USP32: variants seen among roughly 807,000 people sequenced by gnomAD.
USP32 encodes the protein ubiquitin carboxyl-terminal hydrolase 32.
USP32 carries 59 observed loss-of-function variants against 204.8 expected under a neutral mutation model. That is an observed-to-expected ratio of 0.29 (90% CI 0.23 to 0.36). The LOEUF is 0.36. Ranked by LOEUF, USP32 falls within the 10% of genes least tolerant of loss-of-function variation. USP32 has a pLI of 1.00. For missense variants in USP32, 1,160 were observed against 1,946.4 expected (o/e 0.60, Z 7.60); for synonymous variants, 517 against 678.4 (o/e 0.76, Z 3.70).
At chr17:60,408,480 C>T (rs745403152) in intron 1 of USP32, among the ~76,000 whole-genome samples, 5 of 151,886 alleles carry the variant, frequency 3.3e-5, no homozygotes, top group East Asian at 3.9e-4. Context: ...CGGGTTCAAT[C>T]GATTTTCCTG....
intron 1 of USP32, among the ~76,000 whole-genome samples, chr17:60,420,621 C>A (rs2090104040): frequency 6.6e-6 from 1 of 152,184 alleles, no homozygotes; most frequent in Non-Finnish European, 1.5e-5. Context: ...GAGCCGAGAT[C>A]ACGCCATTGC....
chr17:60,401,204 C>T (rs1323349244), intron 1 of USP32, among the ~76,000 whole-genome samples: 1 of 151,070 alleles, frequency 6.6e-6, no homozygotes, highest in Non-Finnish European at 1.5e-5. Context: ...ACCTGTAATC[C>T]CAGCACTTTG....
At position 60,179,024 on chromosome 17, in the gene USP32, G is replaced by T; in HGVS notation, c.*231C>A. ...CCAAACCTTTTGTTTACAGGCTAAT[G>T]GTGGGATCTGCCTGAAAGTTCTCTA... On this transcript the variant is annotated 3_prime_UTR_variant, in exon 34 of 34. Coordinates refer to ENST00000300896, the MANE Select transcript of USP32 (RefSeq NM_032582.4). The T allele has an allele frequency of 2.2e-6, 1 of 462,712 alleles. No homozygotes were observed. The allele number at this position is 462,712 out of a possible 1,614,324, so 28.7% of individuals were successfully genotyped here.
intron 7 of USP32, among the ~76,000 whole-genome samples, chr17:60,268,306 T>C (rs2086645553): frequency 6.6e-6 from 1 of 151,892 alleles, no homozygotes; most frequent in South Asian, 2.1e-4. Flanking sequence ...TGGAGGCTCA[T>C]GTCTATAACC....
At chr17:60,180,480 C>T in intron 33 of USP32, 65 bp downstream of exon 33, 1 of 1,526,280 alleles carries the variant, frequency 6.6e-7, no homozygotes, top group Non-Finnish European at 9.1e-7. Context: ...ATTATTTCAA[C>T]AAATGTTCCC....
chr17:60,189,112 G>T (rs2084317451), intron 29 of USP32, among the ~76,000 whole-genome samples: 1 of 152,250 alleles, frequency 6.6e-6, no homozygotes, highest in Admixed American at 6.5e-5. Flanking sequence ...TGCTGACAAA[G>T]ATTTATGAAT....
At chr17:60,301,150 T>C (rs1415959040) in intron 3 of USP32, among the ~76,000 whole-genome samples, 1 of 152,246 alleles carries the variant, frequency 6.6e-6, no homozygotes, top group Non-Finnish European at 1.5e-5. Context: ...CTATGACTAT[T>C]TCTGTACAAG....
At chr17:60,192,801 A>C (rs770515534) in intron 28 of USP32, 43 bp downstream of exon 28, 4 of 1,598,944 alleles carry the variant, frequency 2.5e-6, no homozygotes, top group Non-Finnish European at 3.4e-6. Context: ...TAATATCTAA[A>C]GCTGAAATTC....
Position 60,207,082 on chromosome 17 carries a change from C to T in USP32, c.2976G>A (p.Leu992=), listed in dbSNP as rs766990376. 11 of 1,613,060 alleles carry T rather than the reference C, an allele frequency of 6.8e-6. No individual in the cohort carries two copies. The East Asian group carries it at 2.0e-4, about 29-fold the overall frequency. ...CAGGGACAGGAATTTCAAATGCACA[C>T]AAAAATCCACTCACTGAGAGTCGTA... ...QKVRLSVSGF[L]CAFEIPVPVS... Residue 992 remains leucine (L), a synonymous_variant, in exon 25 of 34, where the codon TTG becomes TTA. Transcript: ENST00000300896.
chr17:60,361,685 C>T (rs1021736452), intron 1 of USP32, among the ~76,000 whole-genome samples: 1 of 152,048 alleles, frequency 6.6e-6, no homozygotes, highest in African/African-American at 2.4e-5. Flanking sequence ...ATAGAAGAAC[C>T]TATCCTGTAT....
intron 2 of USP32, chr17:60,305,279 G>A (rs1032108051): frequency 2.6e-5 from 4 of 152,206 alleles, no homozygotes; most frequent in South Asian, 4.1e-4. Flanking sequence ...GAAAGTGAAG[G>A]GGGAGCAGAG....
intron 2 of USP32, among the ~76,000 whole-genome samples, chr17:60,309,814 G>C (rs2087811873): frequency 6.6e-6 from 1 of 151,726 alleles, no homozygotes; most frequent in African/African-American, 2.4e-5. Flanking sequence ...CAGAGGCCAA[G>C]GCAGGTGGAT....
At chr17:60,234,732 G>GA (rs1294298128) in intron 12 of USP32, among the ~76,000 whole-genome samples, 285 of 147,578 alleles carry the variant, frequency 1.9e-3, no homozygotes, top group South Asian at 3.6e-3. Context: ...CTCCGTCTCA[G>GA]AAAAAAAAAA....
At chr17:60,204,100 ATAGT>A (rs1434447324) in intron 26 of USP32, among the ~76,000 whole-genome samples, 1 of 152,126 alleles carries the variant, frequency 6.6e-6, no homozygotes, top group East Asian at 1.9e-4. Flanking sequence ...CTTTAATGCA[ATAGT>A]TATATATTAG....
intron 16 of USP32, among the ~76,000 whole-genome samples, chr17:60,218,350 C>T (rs1408461501): frequency 6.6e-6 from 1 of 152,018 alleles, no homozygotes; most frequent in Non-Finnish European, 1.5e-5. Context: ...TGCCACTCCA[C>T]TTCAGCCTGG....
At chr17:60,299,930 C>A (rs1330322943) in intron 3 of USP32, among the ~76,000 whole-genome samples, 1 of 152,118 alleles carries the variant, frequency 6.6e-6, no homozygotes, top group African/African-American at 2.4e-5. Context: ...TCTCTGGGGC[C>A]TCTTTTATTA....
chr17:60,349,599 ATATATATATATATAT>A (rs2088882485), intron 1 of USP32, among the ~76,000 whole-genome samples: 5 of 42,812 alleles, frequency 1.2e-4, no homozygotes, highest in African/African-American at 1.2e-4. Context: ...AAAAAAAAAT[ATATATATATATATAT>A]ATATATATAT....
intron 2 of USP32, among the ~76,000 whole-genome samples, chr17:60,340,580 G>T (rs1213999608): frequency 2.6e-5 from 4 of 152,078 alleles, no homozygotes; most frequent in African/African-American, 9.7e-5. Context: ...CGTGAGATGG[G>T]TCTCCTGAAT....
chr17:60,304,629 T>C (rs1398280193), intron 2 of USP32, among the ~76,000 whole-genome samples: 1 of 152,188 alleles, frequency 6.6e-6, no homozygotes, highest in Non-Finnish European at 1.5e-5. Flanking sequence ...GTAAAACACG[T>C]AACAATAGCA....
Sources: gnomAD v4.1 joint callset for allele counts (sites outside exome capture counted in the v4.1 genomes callset) on GRCh38, gnomAD v4.1.1 for gene constraint, MANE v1.5 for transcripts, NCBI Gene and HGNC (gene_info 2026-07-23, HGNC 2026-07-21) for gene names.